SOX5: variants seen among roughly 807,000 people sequenced by gnomAD.
The protein encoded by SOX5 is transcription factor SOX-5.
In SOX5, 9 loss-of-function variants were observed where a neutral mutation model predicts 92.0. The ratio of observed to expected loss-of-function variants is 0.10; its 90% CI spans 0.06 to 0.17. The LOEUF (loss-of-function observed/expected upper bound fraction) is 0.17. Among genes scored for constraint, SOX5 ranks in the 10% least tolerant of loss-of-function variants. The pLI is 1.00. For missense variants in SOX5, 642 were observed against 944.5 expected, an observed-to-expected ratio of 0.68 and a Z score of 4.20; for synonymous variants, 344 against 336.3, an observed-to-expected ratio of 1.02 and a Z score of -0.25.
At chr12:23,695,176 T>G (rs1428916908) in intron 6 of SOX5, among the ~76,000 whole-genome samples, 1 of 152,114 alleles carries the variant, frequency 6.6e-6, no homozygotes, top group East Asian at 1.9e-4. Flanking sequence ...CTGAACTCTG[T>G]TCTGTTCCAC....
chr12:24,181,602 G>A (rs1955505506), intron 4 of SOX5, among the ~76,000 whole-genome samples: 1 of 152,106 alleles, frequency 6.6e-6, no homozygotes, highest in Non-Finnish European at 1.5e-5. Context: ...ACCCTGCTTT[G>A]TTGTGACAAT....
At chr12:24,020,879 A>G (rs1245892069) in intron 4 of SOX5, among the ~76,000 whole-genome samples, 2 of 152,164 alleles carry the variant, frequency 1.3e-5, no homozygotes, top group Non-Finnish European at 2.9e-5. Context: ...TTTCCCCTTT[A>G]ATATGACAAA....
At chr12:23,957,307 C>T (rs1163478501) in intron 4 of SOX5, among the ~76,000 whole-genome samples, 1 of 152,126 alleles carries the variant, frequency 6.6e-6, no homozygotes, top group Non-Finnish European at 1.5e-5. Context: ...GTTTTCAAAA[C>T]TAATTTTATG....
chr12:24,158,830 T>G (rs535254464), intron 4 of SOX5, among the ~76,000 whole-genome samples: 2 of 152,062 alleles, frequency 1.3e-5, no homozygotes, highest in Admixed American at 1.3e-4. Flanking sequence ...GTATGTCATT[T>G]ATGTCAGCAA....
intron 4 of SOX5, among the ~76,000 whole-genome samples, chr12:24,155,111 GT>G (rs1275927213): frequency 6.6e-6 from 1 of 151,998 alleles, no homozygotes; most frequent in Non-Finnish European, 1.5e-5. Flanking sequence ...GCTCAGACAA[GT>G]CTCATCACAG....
chr12:24,101,528 G>C (rs761066455), intron 4 of SOX5, among the ~76,000 whole-genome samples: 1 of 151,988 alleles, frequency 6.6e-6, no homozygotes, highest in Non-Finnish European at 1.5e-5. Context: ...AACTTCTTTT[G>C]ATTTGTGTTT....
At chr12:24,411,294 A>G (rs778073761) in intron 1 of SOX5, among the ~76,000 whole-genome samples, 17 of 151,952 alleles carry the variant, frequency 1.1e-4, no homozygotes, top group Non-Finnish European at 2.1e-4. Flanking sequence ...TATAATCCAT[A>G]TGCTTTTAAT....
At chr12:23,632,729 G>A (rs549154621) in intron 8 of SOX5, among the ~76,000 whole-genome samples, 10 of 152,010 alleles carry the variant, frequency 6.6e-5, no homozygotes, top group African/African-American at 1.4e-4. Context: ...ATATTACTTC[G>A]TATACCTATG....
chr12:24,119,791 A>G (rs902912886), intron 4 of SOX5, among the ~76,000 whole-genome samples: 1 of 152,134 alleles, frequency 6.6e-6, no homozygotes, highest in African/African-American at 2.4e-5. Context: ...TCACATCAAG[A>G]AATAAAGCAT....
chr12:24,440,594 T>TTGTGTGTGTGTGTGTG (rs56082162), intron 1 of SOX5, among the ~76,000 whole-genome samples: 2 of 139,632 alleles, frequency 1.4e-5, no homozygotes, highest in African/African-American at 5.4e-5. Context: ...ACATGATCCT[T>TTGTGTGTGTGTGTGTG]TGTGTGTGTG....
intron 2 of SOX5, among the ~76,000 whole-genome samples, chr12:24,306,287 C>T (rs754210529): frequency 6.6e-6 from 1 of 152,180 alleles, no homozygotes; most frequent in Non-Finnish European, 1.5e-5. Flanking sequence ...GAAGACGAGA[C>T]CTGGCACAGC....
chr12:23,932,373 C>A (rs550489245), intron 1 of SOX5, among the ~76,000 whole-genome samples: 46 of 151,464 alleles, frequency 3.0e-4, no homozygotes, highest in South Asian at 1.7e-3. Context: ...TTGACTGGAC[C>A]CTTGATTTTA....
chr12:23,613,340 A>G (rs1418823703), intron 8 of SOX5, among the ~76,000 whole-genome samples: 1 of 152,148 alleles, frequency 6.6e-6, no homozygotes, highest in Non-Finnish European at 1.5e-5. Context: ...AAAGAGAAAA[A>G]AAAAAAAGCA....
intron 1 of SOX5, among the ~76,000 whole-genome samples, chr12:23,935,392 G>A (rs1942318279): frequency 6.6e-6 from 1 of 151,214 alleles, no homozygotes; most frequent in African/African-American, 2.4e-5. Flanking sequence ...TTACTATACT[G>A]TAAAGAGGCT....
chr12:23,530,110 G>A lies in SOX5; in HGVS notation c.*4109C>T, dbSNP rs1938650405. 1 of 152,150 alleles carries A rather than the reference G, an allele frequency of 6.6e-6. No homozygotes were observed. The highest frequency in any genetic ancestry group is 2.1e-4 in the South Asian group (1 of 4,836). 9.4% of individuals were successfully genotyped at this position (152,150 alleles called of 1,614,324 possible). On this transcript the variant is annotated 3_prime_UTR_variant, in exon 15 of 15. Transcript: ENST00000451604. Reference sequence around the variant, plus strand: ...CTAAACCAACAGCTATGCCCTACAAGACAAAGGGATACCTGAACCACTTTA... The same window carrying A: ...CTAAACCAACAGCTATGCCCTACAAAACAAAGGGATACCTGAACCACTTTA...
At chr12:24,014,497 C>CATGTGTGGT (rs1271910452) in intron 4 of SOX5, among the ~76,000 whole-genome samples, 1 of 152,188 alleles carries the variant, frequency 6.6e-6, no homozygotes, top group Non-Finnish European at 1.5e-5. Flanking sequence ...GGCAGCACCA[C>CATGTGTGGT]ACATGTCTGA....
chr12:24,440,977 C>G (rs1231510361), intron 1 of SOX5, among the ~76,000 whole-genome samples: 1 of 152,186 alleles, frequency 6.6e-6, no homozygotes, highest in African/African-American at 2.4e-5. Context: ...ATCCCACAGT[C>G]AGGGTTCATG....
At chr12:23,865,028 G>A (rs1266639923) in intron 2 of SOX5, among the ~76,000 whole-genome samples, 2 of 152,136 alleles carry the variant, frequency 1.3e-5, no homozygotes, top group Non-Finnish European at 2.9e-5. Context: ...AAAGTTAATG[G>A]TGACATTAAG....
chr12:23,825,287 G>A (rs926110107), intron 3 of SOX5, among the ~76,000 whole-genome samples: 1 of 152,166 alleles, frequency 6.6e-6, no homozygotes, highest in Non-Finnish European at 1.5e-5. Flanking sequence ...TATCTGGGCC[G>A]GATAGCACTG....
Sources: allele counts gnomAD v4.1 joint callset (sites outside exome capture counted in the v4.1 genomes callset), GRCh38; gene constraint gnomAD v4.1.1; transcripts MANE v1.5; gene names NCBI Gene and HGNC (gene_info 2026-07-23, HGNC 2026-07-21).